Variants in DMTF1 observed in about 807,000 individuals in gnomAD.
DMTF1 encodes the protein cyclin-D-binding Myb-like transcription factor 1.
DMTF1 carries 39 observed loss-of-function variants against 91.1 expected under a neutral mutation model. The observed-to-expected ratio is 0.43, with a 90% CI of 0.33 to 0.56. The LOEUF is 0.56. DMTF1 is among the 20% of genes least tolerant of loss of function. The probability of loss-of-function intolerance (pLI) is 0.05; values close to 1 mark genes in which losing one functional copy is unlikely to be tolerated. For synonymous variants in DMTF1, 338 were observed against 309.5 expected (o/e 1.09, Z -0.97); for missense variants, 750 against 914.5 (o/e 0.82, Z 2.32).
chr7:87,195,241 A>C lies in DMTF1; in HGVS notation c.*101A>C, dbSNP rs1029441664. 1.0e-5 allele frequency: 8 copies of C among 775,032 alleles called. No homozygotes were observed. Among genetic ancestry groups the C allele is most frequent in the Non-Finnish European group, 1.7e-5 (8 of 472,614 alleles). 48.0% of individuals were successfully genotyped at this position (775,032 alleles called of 1,614,324 possible). A position where few individuals can be genotyped will look rare whatever the true frequency, so the allele number is the denominator to read the frequency against. On this transcript the variant is annotated 3_prime_UTR_variant, in exon 18 of 18. Transcript: ENST00000331242. ...AACCCCCAAGAGGCTTAATTTACCA[A>C]TTTAAATAGCCACAGTCCTTAAGCC...
At chr7:87,181,435 C>G (rs778933218) in intron 9 of DMTF1, 94 bp downstream of exon 9, 16 of 608,424 alleles carry the variant, frequency 2.6e-5, no homozygotes, top group Non-Finnish European at 4.4e-5. Context: ...TTTTGGCAGA[C>G]TGGTATAATT....
At chr7:87,175,098 A>C (rs1184743265) in intron 7 of DMTF1, among the ~76,000 whole-genome samples, 10 of 150,370 alleles carry the variant, frequency 6.7e-5, no homozygotes, top group Non-Finnish European at 1.2e-4. Flanking sequence ...AGCTCACTGC[A>C]ACCTCCGTCT....
At chr7:87,166,460 G>T in intron 3 of DMTF1, 23 bp from the exon 4 acceptor site, 1 of 1,585,708 alleles carries the variant, frequency 6.3e-7, no homozygotes, top group Non-Finnish European at 8.6e-7. Flanking sequence ...TGAAATTTTT[G>T]TTTGTTTGTT....
chr7:87,175,958 C>A (rs1291802121), intron 7 of DMTF1, among the ~76,000 whole-genome samples: 3 of 152,160 alleles, frequency 2.0e-5, no homozygotes, highest in Non-Finnish European at 4.4e-5. Context: ...GGAAATCTTT[C>A]TAGAGACTTG....
intron 10 of DMTF1, among the ~76,000 whole-genome samples, chr7:87,182,959 C>T (rs1309056003): frequency 6.6e-6 from 1 of 152,110 alleles, no homozygotes; most frequent in Non-Finnish European, 1.5e-5. Context: ...CTGCTATTAA[C>T]TGTCATTTAA....
intron 14 of DMTF1, chr7:87,192,578 A>G (rs1354918957): frequency 6.6e-6 from 1 of 152,176 alleles, no homozygotes; most frequent in Non-Finnish European, 1.5e-5. Flanking sequence ...GAGTGCAAAT[A>G]CTTTTTTAGA....
chr7:87,153,148 T>C (rs1176742166), intron 1 of DMTF1, among the ~76,000 whole-genome samples: 1 of 152,018 alleles, frequency 6.6e-6, no homozygotes, highest in East Asian at 1.9e-4. Context: ...TCTGTAATTT[T>C]GCGGGGGTTC....
At chr7:87,166,030 A>C (rs931240605) in intron 3 of DMTF1, among the ~76,000 whole-genome samples, 1 of 152,286 alleles carries the variant, frequency 6.6e-6, no homozygotes, top group African/African-American at 2.4e-5. Context: ...AAGCTTCCCA[A>C]GGTTTTTAGA....
chr7:87,186,665 TAC>T (rs1798520775), intron 12 of DMTF1: 1 of 152,322 alleles, frequency 6.6e-6, no homozygotes, highest in East Asian at 1.9e-4. Context: ...ACCATTGTGT[TAC>T]AGTTGCCTAC....
intron 10 of DMTF1, among the ~76,000 whole-genome samples, chr7:87,183,925 G>A (rs1159086882): frequency 6.6e-6 from 1 of 152,154 alleles, no homozygotes; most frequent in African/African-American, 2.4e-5. Flanking sequence ...ACTAAAATAG[G>A]TTGAGCCCAT....
At chr7:87,165,156 G>A (rs1793528895) in intron 3 of DMTF1, 106 bp downstream of exon 3, 1 of 583,338 alleles carries the variant, frequency 1.7e-6, no homozygotes, top group Admixed American at 3.4e-5. Context: ...TATGAGTTTA[G>A]GCTGCACAGT....
chr7:87,164,938 G>A lies in DMTF1; in HGVS notation c.-4G>A. 6.3e-7 allele frequency: 1 copy of A among 1,593,346 alleles called. No individual in the cohort carries two copies. The highest frequency in any genetic ancestry group is 1.7e-5 in the Admixed American group (1 of 57,848). ...CTGGAATCTGTTCTTGTACAGATTT[G>A]AGTATGAGCACAGTGGAAGAGGATT... On this transcript the variant is annotated 5_prime_UTR_variant, in exon 3 of 18. Transcript: ENST00000331242.
At chr7:87,166,437 TC>T (rs1477754908) in intron 3 of DMTF1, 45 bp from the exon 4 acceptor site, 1 of 1,573,414 alleles carries the variant, frequency 6.4e-7, no homozygotes, top group East Asian at 2.2e-5. Context: ...GATTTTATTT[TC>T]CCTCTTTGGT....
chr7:87,179,709 G>T lies in DMTF1; in HGVS notation c.677+7G>T. On this transcript the variant is annotated splice_region_variant and intron_variant, in intron 8 of 17. Coordinates refer to ENST00000331242, the MANE Select transcript of DMTF1 (RefSeq NM_001142327.2). ...ACAGAAACCATGTGGGAAAGTATGAGAACTTGTAATGCTGCATGTTTTCAT... is the reference window on the plus strand; with the variant it reads ...ACAGAAACCATGTGGGAAAGTATGATAACTTGTAATGCTGCATGTTTTCAT... The T allele has an allele frequency of 1.3e-6, 2 of 1,563,626 alleles. No individual in the cohort carries two copies. Among genetic ancestry groups the T allele is most frequent in the Non-Finnish European group, 1.7e-6 (2 of 1,163,460 alleles).
At chr7:87,174,534 G>A in intron 6 of DMTF1, 59 bp from the exon 7 acceptor site, 2 of 1,099,514 alleles carry the variant, frequency 1.8e-6, no homozygotes, top group East Asian at 2.4e-5. Flanking sequence ...GAAATCTTTG[G>A]TGTTTTATTT....
intron 14 of DMTF1, 102 bp downstream of exon 14, chr7:87,191,129 C>T: frequency 1.4e-6 from 1 of 730,274 alleles, no homozygotes; most frequent in Non-Finnish European, 2.3e-6. Context: ...AAGTCTGAGG[C>T]CAAATGAATG....
chr7:87,164,144 T>TA (rs1793219652), intron 2 of DMTF1: 1 of 149,136 alleles, frequency 6.7e-6, no homozygotes, highest in Non-Finnish European at 1.5e-5. Flanking sequence ...TGGTAAAACA[T>TA]ACGTGCCAAA....
chr7:87,168,371 T>TA (rs2129082881), intron 4 of DMTF1, among the ~76,000 whole-genome samples: 1 of 152,264 alleles, frequency 6.6e-6, no homozygotes, highest in South Asian at 2.1e-4. Context: ...TTACCACTCT[T>TA]ACCTATTACT....
At chr7:87,191,675 C>A (rs1799803355) in intron 14 of DMTF1, among the ~76,000 whole-genome samples, 2 of 152,032 alleles carry the variant, frequency 1.3e-5, no homozygotes, top group Admixed American at 1.3e-4. Flanking sequence ...AGAAACCAGA[C>A]AACACAAAAT....
Sources: gnomAD v4.1 joint callset for allele counts (sites outside exome capture counted in the v4.1 genomes callset) on GRCh38, gnomAD v4.1.1 for gene constraint, MANE v1.5 for transcripts, NCBI Gene and HGNC (gene_info 2026-07-23, HGNC 2026-07-21) for gene names.